SLC22A3: variants seen among roughly 807,000 people sequenced by gnomAD.
SLC22A3 encodes solute carrier family 22 member 3, also known as EMT organic cation transporter 3.
Under a neutral mutation model 59.1 loss-of-function variants are expected in SLC22A3, and 51 were observed. That is an observed-to-expected ratio of 0.86 (90% CI 0.69 to 1.09). SLC22A3 has a LOEUF of 1.09. SLC22A3 is among the 50% of genes least tolerant of loss of function. SLC22A3 has a pLI of 0.00. For synonymous variants in SLC22A3, 325 were observed against 292.0 expected (o/e 1.11, Z -1.15); for missense variants, 711 against 726.3 (o/e 0.98, Z 0.24).
intron 1 of SLC22A3, among the ~76,000 whole-genome samples, chr6:160,354,834 G>A (rs562925036): frequency 4.6e-5 from 7 of 152,236 alleles, no homozygotes; most frequent in African/African-American, 7.2e-5. Context: ...TGAGAATACC[G>A]ATACTTTCCC....
rs1212127698 is a variant in SLC22A3 at position 160,427,253 on chromosome 6, TG to T, written c.976-9526del. Among the ~76,000 whole-genome samples, 5 of 152,154 alleles carry T rather than the reference TG, an allele frequency of 3.3e-5. No individual in the cohort carries two copies. The East Asian group carries it at 9.6e-4, about 29-fold the overall frequency. ...GAAATGAGGGAAGGCTCCATTTTCCTGAGAAAAGGGATGGAGGAACATAGGC... is the reference window on the plus strand; with the variant it reads ...GAAATGAGGGAAGGCTCCATTTTCCTAGAAAAGGGATGGAGGAACATAGGC... On this transcript the variant is annotated intron_variant, in intron 5 of 10. Coordinates refer to ENST00000275300, the MANE Select transcript of SLC22A3 (RefSeq NM_021977.4).
intron 1 of SLC22A3, among the ~76,000 whole-genome samples, chr6:160,371,771 A>G (rs996031115): frequency 3.3e-5 from 5 of 152,160 alleles, no homozygotes; most frequent in African/African-American, 1.2e-4. Context: ...GTCTTCCACA[A>G]TGGTGGAAGA....
At chr6:160,390,899 C>A (rs1786228970) in intron 1 of SLC22A3, among the ~76,000 whole-genome samples, 1 of 152,144 alleles carries the variant, frequency 6.6e-6, no homozygotes, top group African/African-American at 2.4e-5. Context: ...GTCTCTTGGG[C>A]TCTAGGAGAG....
At chr6:160,440,117 T>G (rs556564249) in intron 7 of SLC22A3, among the ~76,000 whole-genome samples, 16 of 152,224 alleles carry the variant, frequency 1.1e-4, no homozygotes, top group Non-Finnish European at 1.6e-4. Flanking sequence ...TCTGGTTGTA[T>G]TCTCATCTCA....
chr6:160,388,374 T>G (rs1786106814), intron 1 of SLC22A3, among the ~76,000 whole-genome samples: 1 of 152,150 alleles, frequency 6.6e-6, no homozygotes, highest in South Asian at 2.1e-4. Context: ...TGGAGAAGTG[T>G]ATTCAAACAC....
At chr6:160,430,149 G>A (rs897321712) in intron 5 of SLC22A3, among the ~76,000 whole-genome samples, 1 of 151,480 alleles carries the variant, frequency 6.6e-6, no homozygotes, top group Admixed American at 6.6e-5. Context: ...ATAGACAGAT[G>A]GGTTATTTAA....
chr6:160,447,513 C>T lies in SLC22A3; in HGVS notation c.1511-206C>T, dbSNP rs552680930. Among the ~76,000 whole-genome samples, 4 of 152,044 alleles carry T rather than the reference C, an allele frequency of 2.6e-5. No individual in the cohort carries two copies. The East Asian group carries it at 7.7e-4, about 29-fold the overall frequency. On this transcript the variant is annotated intron_variant, in intron 9 of 10. Transcript: ENST00000275300. The stretch of plus-strand genomic sequence containing the variant: ...ACATGGCTGCCAGGTATACAGGGGC[C>T]GTGGTGCTACTCAGGGTTTGAGGAA...
intron 1 of SLC22A3, among the ~76,000 whole-genome samples, chr6:160,354,348 A>G (rs1435888255): frequency 1.3e-5 from 2 of 152,208 alleles, no homozygotes; most frequent in Non-Finnish European, 2.9e-5. Context: ...TTGGCTTGAC[A>G]TATGCTTGCA....
Position 160,451,316 on chromosome 6 carries a change from G to T in SLC22A3, c.*260G>T, listed in dbSNP as rs1026714668. ...CTGTCAGGTGCACAGCCCTTCCTGG[G>T]TTTTTTTCTTGTGTTCCCTGTGGTC... On this transcript the variant is annotated 3_prime_UTR_variant, in exon 11 of 11. Transcript: ENST00000275300. 2.2e-6 allele frequency: 1 copy of T among 451,336 alleles called. No individual in the cohort carries two copies. Among genetic ancestry groups the T allele is most frequent in the East Asian group, 4.1e-5 (1 of 24,112 alleles). The allele number at this position is 451,336 out of a possible 1,614,324, so 28.0% of individuals were successfully genotyped here.
Position 160,348,668 on chromosome 6 carries a change from C to T in SLC22A3, c.249C>T (p.Pro83=), listed in dbSNP as rs1173065208. The change falls in exon 1 of 11, where the codon CCC becomes CCT. Residue 83 remains proline, a synonymous_variant. Transcript: ENST00000275300. ...RTAPASRGPE[P]PERRGRCQRY... ...CGCCCGCCTCCCGCGGCCCAGAGCC[C>T]CCCGAGCGCCGCGGCCGCTGCCAGC... 1.3e-6 allele frequency: 2 copies of T among 1,506,942 alleles called. No homozygotes were observed. Among genetic ancestry groups the T allele is most frequent in the Non-Finnish European group, 1.8e-6 (2 of 1,135,938 alleles). 93.3% of individuals were successfully genotyped at this position (1,506,942 alleles called of 1,614,324 possible).
chr6:160,408,564 G>C (rs1345614442), intron 3 of SLC22A3, among the ~76,000 whole-genome samples, 189 bp from the exon 4 acceptor site: 2 of 152,146 alleles, frequency 1.3e-5, no homozygotes. Flanking sequence ...AGGTGAGAGT[G>C]GGAGAAAAGC....
chr6:160,402,118 A>C (rs1406863428), intron 2 of SLC22A3, among the ~76,000 whole-genome samples: 1 of 152,018 alleles, frequency 6.6e-6, no homozygotes, highest in Non-Finnish European at 1.5e-5. Flanking sequence ...AACAAGACCC[A>C]ACCATATATG....
chr6:160,444,731 A>G (rs1583519994), intron 9 of SLC22A3, among the ~76,000 whole-genome samples: 1 of 152,316 alleles, frequency 6.6e-6, no homozygotes. Flanking sequence ...CCGTTTCTCT[A>G]TCTCCACTTC....
chr6:160,448,569 G>T (rs1788835443), intron 10 of SLC22A3, among the ~76,000 whole-genome samples: 1 of 152,130 alleles, frequency 6.6e-6, no homozygotes, highest in Non-Finnish European at 1.5e-5. Context: ...GGAAGATAGA[G>T]AGATTGAGTT....
chr6:160,390,877 C>A (rs1208066467), intron 1 of SLC22A3, among the ~76,000 whole-genome samples: 1 of 152,158 alleles, frequency 6.6e-6, no homozygotes, highest in African/African-American at 2.4e-5. Context: ...AAGATGTGCA[C>A]AGAACCATGC....
chr6:160,434,896 G>A (rs1788281408), intron 5 of SLC22A3, among the ~76,000 whole-genome samples: 1 of 152,174 alleles, frequency 6.6e-6, no homozygotes, highest in East Asian at 1.9e-4. Flanking sequence ...TCTAGCACAC[G>A]CACACAGAGG....
chr6:160,349,549 A>G (rs914795044), intron 1 of SLC22A3, among the ~76,000 whole-genome samples: 15 of 152,150 alleles, frequency 9.9e-5, no homozygotes, highest in Non-Finnish European at 1.8e-4. Flanking sequence ...CAAATCCCCA[A>G]CCCATTTACA....
intron 1 of SLC22A3, among the ~76,000 whole-genome samples, chr6:160,382,556 T>C (rs1222599115): frequency 6.6e-6 from 1 of 152,110 alleles, no homozygotes; most frequent in Non-Finnish European, 1.5e-5. Flanking sequence ...GAGAGCACAA[T>C]AGAACTCAGA....
intron 1 of SLC22A3, among the ~76,000 whole-genome samples, chr6:160,393,475 T>C (rs1224979154): frequency 2.2e-5 from 3 of 133,938 alleles, no homozygotes; most frequent in Non-Finnish European, 4.7e-5. Flanking sequence ...GTGTGTGATG[T>C]TCCCCTTCCT....
Sources: gnomAD v4.1 joint callset for allele counts (sites outside exome capture counted in the v4.1 genomes callset) on GRCh38, gnomAD v4.1.1 for gene constraint, MANE v1.5 for transcripts, NCBI Gene and HGNC (gene_info 2026-07-23, HGNC 2026-07-21) for gene names.